ZNF221: variants seen among roughly 807,000 people sequenced by gnomAD.
ZNF221 encodes the protein zinc finger protein 221.
In ZNF221, 10 loss-of-function variants were observed where a neutral mutation model predicts 12.6. The ratio of observed to expected loss-of-function variants is 0.79; its 90% CI spans 0.49 to 1.34. The LOEUF is 1.34. ZNF221 is among the 40% of genes most tolerant of loss of function. The pLI is 0.00. For synonymous variants in ZNF221, 232 were observed against 244.0 expected, an observed-to-expected ratio of 0.95 and a Z score of 0.46; for missense variants, 661 against 721.4, an observed-to-expected ratio of 0.92 and a Z score of 0.96.
downstream of ZNF221, among the ~76,000 whole-genome samples, chr19:43,970,651 G>A (rs1476905774): frequency 6.6e-6 from 1 of 152,094 alleles, no homozygotes; most frequent in Non-Finnish European, 1.5e-5. Context: ...TAGACCAAGA[G>A]GAGGAAAGAG....
the ZNF221 span, chr19:43,977,007 T>C: frequency 6.6e-6 from 1 of 152,176 alleles, no homozygotes; most frequent in East Asian, 1.9e-4. Flanking sequence ...GAAGTGCATT[T>C]ATTAATATAA....
the ZNF221 span, among the ~76,000 whole-genome samples, chr19:43,976,469 G>C: frequency 6.6e-6 from 1 of 152,056 alleles, no homozygotes; most frequent in African/African-American, 2.4e-5. Flanking sequence ...CCTGGGAGGC[G>C]GAGGTTGCAG....
the ZNF221 span, among the ~76,000 whole-genome samples, chr19:43,975,516 C>T: frequency 6.6e-6 from 1 of 152,070 alleles, no homozygotes; most frequent in Admixed American, 6.6e-5. Flanking sequence ...TGGTGGGAAA[C>T]AACACACACT....
Position 43,954,107 on chromosome 19 carries a change from G to A in ZNF221, c.-3+2707G>A, listed in dbSNP as rs1394727771. ...TCAAAAAAAAAAAAAAAAAAAAAAG[G>A]ATATGCAACTCAAAAGATACCACCA... On this transcript the variant is annotated intron_variant, in intron 1 of 4. Transcript: ENST00000587682. Among the ~76,000 whole-genome samples the A allele has an allele frequency of 2.9e-4, 36 of 124,356 alleles. No individual in the cohort carries two copies. The South Asian group carries it at 8.6e-3, about 30-fold the overall frequency. 81.6% of individuals were successfully genotyped at this position (124,356 alleles called of 152,430 possible).
At chr19:43,955,090 G>C (rs1181555807) in intron 1 of ZNF221, among the ~76,000 whole-genome samples, 5 of 151,646 alleles carry the variant, frequency 3.3e-5, no homozygotes, top group Non-Finnish European at 5.9e-5. Flanking sequence ...TCTATATCTA[G>C]TGTGTTTCTT....
intron 1 of ZNF221, among the ~76,000 whole-genome samples, chr19:43,961,645 C>G (rs1270852918): frequency 6.6e-6 from 1 of 152,162 alleles, no homozygotes; most frequent in African/African-American, 2.4e-5. Context: ...TGTTTTCCCC[C>G]ATCCCCCAGT....
chr19:43,966,821 A>G lies in ZNF221; in HGVS notation c.1319A>G (p.His440Arg). 7 of 1,614,250 alleles carry G rather than the reference A, an allele frequency of 4.3e-6. No individual in the cohort carries two copies. The highest frequency in any genetic ancestry group is 1.3e-5 in the African/African-American group (1 of 75,064). The change falls in exon 5 of 5, where the codon CAT (histidine) becomes CGT (arginine). Residue 440 changes from histidine (H) to arginine (R), a missense_variant. Transcript: ENST00000587682. ...TATACAAATTCACGACGATCTTCCC[A>G]TCAGAGATCCCACAATGGAGAAAAG... ...GFYTNSRRSSHQRSHNGEKPY... is the reference protein window; with the variant it reads ...GFYTNSRRSSRQRSHNGEKPY...
chr19:43,965,471 G>T, intron 4 of ZNF221, 146 bp downstream of exon 4: 6 of 666,430 alleles, frequency 9.0e-6, no homozygotes, highest in Non-Finnish European at 1.5e-5. Flanking sequence ...AAGTTCCTTT[G>T]GCTTCATTAT....
intron 1 of ZNF221, among the ~76,000 whole-genome samples, chr19:43,962,211 T>G (rs393117): frequency 0.97 from 147,491 of 152,134 alleles, 71,660 homozygotes; most frequent in East Asian, 1. Context: ...CCCATTTCAG[T>G]CGTACGATTT....
chr19:43,965,792 G>C lies in ZNF221; in HGVS notation c.302-12G>C, dbSNP rs1032002643. On this transcript the variant is annotated splice_polypyrimidine_tract_variant and intron_variant, in intron 4 of 4. Transcript: ENST00000587682. Reference sequence around the variant, plus strand: ...TCACTTGCCCACATATATTAATTCTGTGTCTTTTTAGGAGGCAAGATCCAA... The same window carrying C: ...TCACTTGCCCACATATATTAATTCTCTGTCTTTTTAGGAGGCAAGATCCAA... 1.3e-6 allele frequency: 2 copies of C among 1,568,550 alleles called. No homozygotes were observed. The highest frequency in any genetic ancestry group is 2.7e-5 in the African/African-American group (2 of 73,276).
chr19:43,966,302 C>A lies in ZNF221; in HGVS notation c.800C>A (p.Ser267Ter), dbSNP rs867293167. ...GQCGKGFHSR[S>*]ALNVHCKLHT... ...TGTGGGAAAGGCTTCCATAGTAGAT[C>A]AGCACTTAATGTTCATTGCAAATTG... Residue 267 changes from serine (S) to a stop codon, truncating the protein, a stop_gained, in exon 5 of 5, where the codon TCA becomes TAA. Transcript: ENST00000587682. LOFTEE classifies it low-confidence loss of function (END_TRUNC). 6.2e-7 allele frequency: 1 copy of A among 1,613,194 alleles called. No individual in the cohort carries two copies. The highest frequency in any genetic ancestry group is 8.5e-7 in the Non-Finnish European group (1 of 1,179,324).
the ZNF221 span, among the ~76,000 whole-genome samples, chr19:43,979,698 T>G: frequency 6.6e-6 from 1 of 152,204 alleles, no homozygotes; most frequent in East Asian, 1.9e-4. Flanking sequence ...ATAAGAAAGT[T>G]CCTTGCAATA....
intron 1 of ZNF221, among the ~76,000 whole-genome samples, chr19:43,951,639 G>A (rs778947660): frequency 1.3e-5 from 2 of 152,094 alleles, no homozygotes; most frequent in Non-Finnish European, 2.9e-5. Context: ...TCTTTAAATG[G>A]GGGATATTAA....
chr19:43,964,854 A>G, intron 2 of ZNF221, 96 bp from the exon 3 acceptor site: 3 of 1,524,496 alleles, frequency 2.0e-6, no homozygotes, highest in Non-Finnish European at 2.7e-6. Flanking sequence ...GATCTAGGAC[A>G]ACTTACCACA....
rs1281072209 is a variant in ZNF221 at position 43,967,462 on chromosome 19, T to A, written c.*106T>A. On this transcript the variant is annotated 3_prime_UTR_variant, in exon 5 of 5. Coordinates refer to ENST00000587682, the MANE Select transcript of ZNF221 (RefSeq NM_001297588.2). ...CAAATATGAGAACTGTGGGAAGAGC[T>A]TTGTACATAGATCATATCTTTTTTT... 1 of 873,610 alleles carries A rather than the reference T, an allele frequency of 1.1e-6. No individual in the cohort carries two copies. The highest frequency in any genetic ancestry group is 2.4e-5 in the East Asian group (1 of 41,140). The allele number at this position is 873,610 out of a possible 1,614,324, so 54.1% of individuals were successfully genotyped here.
chr19:43,965,755 T>C (rs776363133), intron 4 of ZNF221, 49 bp from the exon 5 acceptor site: 2 of 1,476,486 alleles, frequency 1.4e-6, no homozygotes, highest in East Asian at 2.3e-5. Flanking sequence ...CTTGAAAACA[T>C]TGAATAGGGC....
chr19:43,961,114 T>G (rs889725866), intron 1 of ZNF221, among the ~76,000 whole-genome samples: 2 of 152,156 alleles, frequency 1.3e-5, no homozygotes, highest in Non-Finnish European at 2.9e-5. Flanking sequence ...TGTTGGAGCT[T>G]TAAGAGCCCT....
At position 43,966,680 on chromosome 19, in the gene ZNF221, C is replaced by T. The variant is rs776158515; in HGVS notation, c.1178C>T (p.Pro393Leu). ...CAGATGGTCCACACAGGAGAGAAAC[C>T]ATATAATTGTAAAGAATGTGGGAAG... ...KHQMVHTGEKPYNCKECGKTF... is the reference protein window; with the variant it reads ...KHQMVHTGEKLYNCKECGKTF... The change falls in exon 5 of 5, where the codon CCA becomes CTA. Residue 393 changes from proline (P) to leucine (L), a missense_variant. Physicochemically the swap from Pro to Leu is moderately conservative, Grantham distance 98. Transcript: ENST00000587682. 2.5e-6 allele frequency: 4 copies of T among 1,614,154 alleles called. No homozygotes were observed. Among genetic ancestry groups the T allele is most frequent in the Non-Finnish European group, 3.4e-6 (4 of 1,180,040 alleles).
At position 43,965,958 on chromosome 19, in the gene ZNF221, C is replaced by T. The variant is rs761184547; in HGVS notation, c.456C>T (p.Val152=). Residue 152 remains valine (V), a synonymous_variant, in exon 5 of 5, where the codon GTC becomes GTT. Transcript: ENST00000587682. ...NSSQFFKEGD[V]PCQIEARLSI... is the part of the protein sequence containing the mutation. ...CTCAGTTCTTCAAAGAAGGTGATGTCCCCTGCCAGATTGAGGCAAGACTAT... is the reference window on the plus strand; with the variant it reads ...CTCAGTTCTTCAAAGAAGGTGATGTTCCCTGCCAGATTGAGGCAAGACTAT... 1.9e-6 allele frequency: 3 copies of T among 1,614,204 alleles called. No individual in the cohort carries two copies. The highest frequency in any genetic ancestry group is 2.2e-5 in the South Asian group (2 of 91,080).
Sources: gnomAD v4.1 joint callset for allele counts (sites outside exome capture counted in the v4.1 genomes callset) on GRCh38, gnomAD v4.1.1 for gene constraint, MANE v1.5 for transcripts, NCBI Gene and HGNC (gene_info 2026-07-23, HGNC 2026-07-21) for gene names.